COL17A1: variants seen among roughly 807,000 people sequenced by gnomAD.
COL17A1 encodes the protein collagen type XVII alpha 1 chain, also known as collagen alpha-1(XVII) chain.
A neutral mutation model predicts 218.4 loss-of-function variants in COL17A1; 181 were observed. That is an observed-to-expected ratio of 0.83 (90% CI 0.73 to 0.94). The LOEUF is 0.94. COL17A1 is among the 40% of genes least tolerant of loss of function. The pLI is 0.00. For missense variants in COL17A1, 1,924 were observed against 1,945.9 expected (o/e 0.99, Z 0.21); for synonymous variants, 721 against 731.0 (o/e 0.99, Z 0.22).
At chr10:104,037,276 CTGT>C (rs1190592678) in intron 46 of COL17A1, among the ~76,000 whole-genome samples, 163 bp from the exon 47 acceptor site, 3 of 127,220 alleles carry the variant, frequency 2.4e-5, no homozygotes, top group Non-Finnish European at 3.3e-5. Flanking sequence ...AAGTCAAATA[CTGT>C]TGTTGGGATT....
chr10:104,054,831 G>A, intron 20 of COL17A1, 150 bp downstream of exon 20: 1 of 1,285,382 alleles, frequency 7.8e-7, no homozygotes, highest in Admixed American at 2.0e-5. Context: ...AAGGTCCCTG[G>A]GATTGGAAAC....
rs1056834996 is a variant in COL17A1 at position 104,037,247 on chromosome 10, C to T, written c.3209-134G>A. The T allele has an allele frequency of 6.2e-6, 5 of 806,314 alleles. No homozygotes were observed. The South Asian group carries it at 7.3e-5, about 12-fold the overall frequency. 49.9% of individuals were successfully genotyped at this position (806,314 alleles called of 1,614,324 possible). Reference sequence around the variant, plus strand: ...AGTGGATGAATGGAGTATTACGAGGCTATTTTGAAAGCATAACAAAGTCAA... The same window carrying T: ...AGTGGATGAATGGAGTATTACGAGGTTATTTTGAAAGCATAACAAAGTCAA... On this transcript the variant is annotated intron_variant, in intron 46 of 55. Transcript: ENST00000648076.
chr10:104,044,016 GGATGC>G (rs2086386267), intron 33 of COL17A1, among the ~76,000 whole-genome samples, 156 bp from the exon 34 acceptor site: 1 of 152,218 alleles, frequency 6.6e-6, no homozygotes, highest in South Asian at 2.1e-4. Flanking sequence ...AAGGCAAGCA[GGATGC>G]ATTAAGCCCC....
chr10:104,063,816 A>G lies in COL17A1; in HGVS notation c.769T>C (p.Phe257Leu), dbSNP rs1176321807. ...GACGCCATGTTGTTTGGAACTCCGA[A>G]GACTGCAGGGGCAAGGAGGAAGGCT... ...NTNAYSAGSV[F>L]GVPNNMASCS... Residue 257 changes from phenylalanine (F) to leucine (L), a missense_variant and splice_region_variant, in exon 11 of 56, where the codon TTC becomes CTC. Coordinates refer to ENST00000648076, the MANE Select transcript of COL17A1 (RefSeq NM_000494.4). 1 of 1,614,168 alleles carries G rather than the reference A, an allele frequency of 6.2e-7. No homozygotes were observed. Among genetic ancestry groups the G allele is most frequent in the Non-Finnish European group, 8.5e-7 (1 of 1,180,018 alleles).
At chr10:104,037,870 G>A (rs749775833) in intron 45 of COL17A1, 97 bp from the exon 46 acceptor site, 118 of 1,472,264 alleles carry the variant, frequency 8.0e-5, no homozygotes, top group Non-Finnish European at 1.0e-4. Flanking sequence ...TGCCTGCCCC[G>A]CCCCACACAT....
rs574911328 is a variant in COL17A1, at chr10:104,084,363, G to T, written c.-12+1360C>A. 2.9e-4 allele frequency among the ~76,000 whole-genome samples: 43 copies of T among 150,366 alleles called. 1 individual carries two copies. In the South Asian group the frequency reaches 4.0e-3, roughly 14 times the overall value. ...CTTGCTGTGTTGCCCAGGTGGGAGTGCAGTGGCACAACCTTGGCCCACTGC... is the reference window on the plus strand; with the variant it reads ...CTTGCTGTGTTGCCCAGGTGGGAGTTCAGTGGCACAACCTTGGCCCACTGC... On this transcript the variant is annotated intron_variant, in intron 1 of 55. Transcript: ENST00000648076.
At chr10:104,066,119 C>T (rs895362642) in intron 9 of COL17A1, among the ~76,000 whole-genome samples, 3 of 152,156 alleles carry the variant, frequency 2.0e-5, no homozygotes, top group Non-Finnish European at 4.4e-5. Flanking sequence ...TTTGTCTGTT[C>T]TTATCAGCTT....
At chr10:104,059,475 G>T in intron 15 of COL17A1, 163 bp downstream of exon 15, 1 of 698,920 alleles carries the variant, frequency 1.4e-6, no homozygotes, top group South Asian at 1.6e-5. Flanking sequence ...TGACTCAGCA[G>T]ATCTGAGCTA....
rs759919625 is a variant in COL17A1, at chr10:104,037,789, C to A, written c.3071-16G>T. 16 of 1,613,130 alleles carry A rather than the reference C, an allele frequency of 9.9e-6. No homozygotes were observed. In the East Asian group the frequency reaches 3.1e-4, roughly 31 times the overall value. ...ATACTGTCACCTGCCGACCAAGGAACAAAGCAAAGTCAAGCCTGTCCCAAG... is the reference window on the plus strand; with the variant it reads ...ATACTGTCACCTGCCGACCAAGGAAAAAAGCAAAGTCAAGCCTGTCCCAAG... On this transcript the variant is annotated splice_polypyrimidine_tract_variant and intron_variant, in intron 45 of 55. Coordinates refer to ENST00000648076, the MANE Select transcript of COL17A1 (RefSeq NM_000494.4).
At chr10:104,045,872 G>A (rs1033933569) in intron 32 of COL17A1, 79 bp from the exon 33 acceptor site, 34 of 1,155,648 alleles carry the variant, frequency 2.9e-5, no homozygotes, top group East Asian at 1.2e-4. Flanking sequence ...CTAGTGCTCC[G>A]TCACTCAGCA....
chr10:104,069,346 C>G (rs964590023), intron 9 of COL17A1, among the ~76,000 whole-genome samples: 2 of 152,068 alleles, frequency 1.3e-5, no homozygotes, highest in African/African-American at 4.8e-5. Context: ...AATATTAATT[C>G]GGACAATGGG....
Position 104,058,185 on chromosome 10 carries a change from G to A in COL17A1, c.1228C>T (p.Leu410=), listed in dbSNP as rs1459192621. 1 of 1,614,194 alleles carries A rather than the reference G, an allele frequency of 6.2e-7. No individual in the cohort carries two copies. The highest frequency in any genetic ancestry group is 8.5e-7 in the Non-Finnish European group (1 of 1,180,036). ...SGLKAEANGD[L]KTVSTKGKTT... ...TTGCCCTTTGTGGACACAGTCTTCA[G>A]GTCTCCTGAAAGGACAAACAGATTG... The change falls in exon 16 of 56, where the codon CTG becomes TTG. Residue 410 remains leucine, a synonymous_variant. Transcript: ENST00000648076.
chr10:104,051,458 T>C lies in COL17A1; in HGVS notation c.2038+23A>G, dbSNP rs1347633413. 2.5e-6 allele frequency: 4 copies of C among 1,613,850 alleles called. No homozygotes were observed. In the African/African-American group the frequency reaches 4.0e-5, roughly 16 times the overall value. On this transcript the variant is annotated intron_variant, in intron 25 of 55. Coordinates refer to ENST00000648076, the MANE Select transcript of COL17A1 (RefSeq NM_000494.4). ...ACCTTTGCCCTGGAAACAGAACCTATTTACAAGAAGCAGCAAACTGACCTG... is the reference window on the plus strand; with the variant it reads ...ACCTTTGCCCTGGAAACAGAACCTACTTACAAGAAGCAGCAAACTGACCTG...
intron 43 of COL17A1, 142 bp from the exon 44 acceptor site, chr10:104,039,263 G>T: frequency 9.8e-7 from 1 of 1,020,616 alleles, no homozygotes; most frequent in Non-Finnish European, 1.5e-6. Flanking sequence ...CAGCTCCCTT[G>T]TACAGAGGCT....
intron 15 of COL17A1, chr10:104,059,435 C>A: frequency 1.6e-6 from 1 of 617,428 alleles, no homozygotes; most frequent in Admixed American, 2.6e-5. Flanking sequence ...AAATGCAAAT[C>A]ACCTAGGAAG....
At chr10:104,066,009 T>G (rs2086623298) in intron 9 of COL17A1, among the ~76,000 whole-genome samples, 2 of 152,140 alleles carry the variant, frequency 1.3e-5, no homozygotes, top group South Asian at 4.1e-4. Flanking sequence ...TGCTTGTTGG[T>G]CTCCCCTTCC....
Position 104,032,159 on chromosome 10 carries a change from A to G in COL17A1, c.*76T>C, listed in dbSNP as rs1469269839. The G allele has an allele frequency of 6.8e-6, 8 of 1,171,334 alleles. No homozygotes were observed. The Admixed American group carries it at 1.2e-4, about 18-fold the overall frequency. 72.6% of individuals were successfully genotyped at this position (1,171,334 alleles called of 1,614,324 possible). On this transcript the variant is annotated 3_prime_UTR_variant, in exon 56 of 56. Coordinates refer to ENST00000648076, the MANE Select transcript of COL17A1 (RefSeq NM_000494.4). ...AGGACATTGACAGACTCCAGCTTTCACCCTCTGGAGACCTTGGACCTAAGT... is the reference window on the plus strand; with the variant it reads ...AGGACATTGACAGACTCCAGCTTTCGCCCTCTGGAGACCTTGGACCTAAGT...
At position 104,045,758 on chromosome 10, in the gene COL17A1, C is replaced by T. The variant is rs1564675479; in HGVS notation, c.2398G>A (p.Gly800Ser). The T allele has an allele frequency of 6.2e-7, 1 of 1,610,770 alleles. No homozygotes were observed. The highest frequency in any genetic ancestry group is 1.3e-5 in the African/African-American group (1 of 74,848). ...AAATCTCATTTGGAAATTCACTTAC[C>T]TTTTATTCCTGGTCGGCCAGGGGTA... The part of the protein sequence containing the change: ...PGTPGRPGIK[G>S]EPGAPGKIVT... Residue 800 changes from glycine (G) to serine (S), a missense_variant and splice_region_variant, in exon 33 of 56, where the codon GGT becomes AGT. Transcript: ENST00000648076.
intron 19 of COL17A1, 136 bp downstream of exon 19, chr10:104,055,236 C>G: frequency 6.6e-7 from 1 of 1,510,332 alleles, no homozygotes; most frequent in Non-Finnish European, 9.2e-7. Flanking sequence ...ACAGATACCT[C>G]CCAACAGATA....
Sources: gnomAD v4.1 joint callset for allele counts (sites outside exome capture counted in the v4.1 genomes callset) on GRCh38, gnomAD v4.1.1 for gene constraint, MANE v1.5 for transcripts, NCBI Gene and HGNC (gene_info 2026-07-23, HGNC 2026-07-21) for gene names.